Variants in MCMDC2 observed in about 807,000 individuals in gnomAD.
The protein encoded by MCMDC2 is minichromosome maintenance domain-containing protein 2.
In MCMDC2, 54 loss-of-function variants were observed where a neutral mutation model predicts 75.8. The ratio of observed to expected loss-of-function variants is 0.71; its 90% CI spans 0.57 to 0.89. MCMDC2 has a LOEUF of 0.89. MCMDC2 is among the 40% of genes least tolerant of loss of function. The pLI is 0.00. For missense variants in MCMDC2, 656 were observed against 780.4 expected, an observed-to-expected ratio of 0.84 and a Z score of 1.90; for synonymous variants, 249 against 274.6, an observed-to-expected ratio of 0.91 and a Z score of 0.92.
At chr8:66,914,757 C>A (rs1378478453) in intron 14 of MCMDC2, among the ~76,000 whole-genome samples, 4 of 152,060 alleles carry the variant, frequency 2.6e-5, no homozygotes, top group Non-Finnish European at 5.9e-5. Flanking sequence ...TTGTTGTAGT[C>A]CAGTTAGATG....
rs1384200946 is a variant in MCMDC2, at chr8:66,874,426, A to G, written c.195A>G (p.Gln65=). The G allele has an allele frequency of 1.9e-6, 3 of 1,613,684 alleles. No individual in the cohort carries two copies. The highest frequency in any genetic ancestry group is 1.7e-5 in the Admixed American group (1 of 59,978). The change falls in exon 3 of 15, where the codon CAA becomes CAG. Residue 65 remains glutamine, a synonymous_variant. Transcript: ENST00000422365. The part of the protein sequence containing the change: ...DAELGNHILH[Q]PLKAAEVFQS... Reference sequence around the variant, plus strand: ...AGCTTGGAAATCACATTTTACACCAACCTTTAAAAGCTGCTGAAGTCTTTC... The same window carrying G: ...AGCTTGGAAATCACATTTTACACCAGCCTTTAAAAGCTGCTGAAGTCTTTC...
intron 14 of MCMDC2, among the ~76,000 whole-genome samples, chr8:66,915,332 A>G (rs987559216): frequency 4.6e-5 from 7 of 151,786 alleles, no homozygotes; most frequent in Non-Finnish European, 1.0e-4. Context: ...CGCGTCTGTA[A>G]TCCCAACTAC....
chr8:66,925,780 G>A (rs930714440), downstream of MCMDC2, among the ~76,000 whole-genome samples: 2 of 152,198 alleles, frequency 1.3e-5, no homozygotes, highest in African/African-American at 4.8e-5. Flanking sequence ...GGCTTTTCAG[G>A]CTCAGGAGTA....
At chr8:66,905,180 T>A in intron 13 of MCMDC2, 46 bp from the exon 14 acceptor site, 1 of 1,313,452 alleles carries the variant, frequency 7.6e-7, no homozygotes, top group Non-Finnish European at 9.9e-7. Flanking sequence ...ATATATTATT[T>A]TTATAATATC....
chr8:66,896,940 C>T lies in MCMDC2; in HGVS notation c.1607C>T (p.Thr536Ile), dbSNP rs1331907567. 2 of 1,602,578 alleles carry T rather than the reference C, an allele frequency of 1.2e-6. No individual in the cohort carries two copies. The highest frequency in any genetic ancestry group is 1.7e-6 in the Non-Finnish European group (2 of 1,175,412). Residue 536 changes from threonine to isoleucine, a missense_variant, in exon 12 of 15, where the codon ACA (threonine) becomes ATA (isoleucine). By Grantham distance (89) the Thr-to-Ile change is moderately conservative (BLOSUM62 -1). Coordinates refer to ENST00000422365, the MANE Select transcript of MCMDC2 (RefSeq NM_173518.5). ...TTTTATGCGGCTTCTAGACAGTTCA[C>T]AACTGAAGATTTTGAAAAGGTAAAG... is the stretch of plus-strand genomic sequence containing the variant. ...GLFYAASRQFTTEDFEKLLAF... is the reference protein window; with the variant it reads ...GLFYAASRQFITEDFEKLLAF...
chr8:66,900,791 T>C (rs1457589136), intron 12 of MCMDC2, among the ~76,000 whole-genome samples: 1 of 152,182 alleles, frequency 6.6e-6, no homozygotes, highest in Non-Finnish European at 1.5e-5. Context: ...CCAAACGTTG[T>C]GTTCTTTAAA....
chr8:66,915,651 A>C (rs753692551), intron 14 of MCMDC2, among the ~76,000 whole-genome samples: 2 of 151,670 alleles, frequency 1.3e-5, no homozygotes, highest in Non-Finnish European at 2.9e-5. Context: ...GGATATATCA[A>C]TAGAGAGATA....
At chr8:66,922,484 A>G (rs745832760), downstream of MCMDC2, 5 of 518,794 alleles carry the variant, frequency 9.6e-6, no homozygotes, top group South Asian at 7.0e-5. Flanking sequence ...TCTCAGTCTT[A>G]AAATTATTTC....
At chr8:66,883,346 C>T (rs1301416118) in intron 8 of MCMDC2, among the ~76,000 whole-genome samples, 1 of 152,170 alleles carries the variant, frequency 6.6e-6, no homozygotes, top group Non-Finnish European at 1.5e-5. Flanking sequence ...ATCTGGTTTG[C>T]TCACATAGAT....
At chr8:66,922,597 T>TA (rs756802220), downstream of MCMDC2, 1 of 511,328 alleles carries the variant, frequency 2.0e-6, no homozygotes, top group Non-Finnish European at 3.9e-6. Flanking sequence ...TAACTAACAT[T>TA]AATTAAATTT....
At position 66,874,505 on chromosome 8, in the gene MCMDC2, CT is replaced by C; in HGVS notation, c.226-15del. ...TTATGCCACATGGAATTTTTGGTAA[CT>C]TTTTTTGTTTGAAATCACAGGTCTG... On this transcript the variant is annotated intron_variant, in intron 3 of 14. Coordinates refer to ENST00000422365, the MANE Select transcript of MCMDC2 (RefSeq NM_173518.5). 1.2e-6 allele frequency: 2 copies of C among 1,612,450 alleles called. No individual in the cohort carries two copies. Among genetic ancestry groups the C allele is most frequent in the Non-Finnish European group, 1.7e-6 (2 of 1,179,568 alleles).
chr8:66,896,531 C>G (rs976451577), intron 11 of MCMDC2, among the ~76,000 whole-genome samples, 195 bp downstream of exon 11: 1 of 151,814 alleles, frequency 6.6e-6, no homozygotes, highest in African/African-American at 2.4e-5. Flanking sequence ...CTGGAAATTA[C>G]TATTTGAATA....
At chr8:66,922,430 G>A (rs766970233), downstream of MCMDC2, 9 of 501,508 alleles carry the variant, frequency 1.8e-5, no homozygotes, top group Non-Finnish European at 2.8e-5. Context: ...TTAAATTATT[G>A]CCTTACATAC....
chr8:66,912,583 C>A (rs1405390262), intron 14 of MCMDC2, among the ~76,000 whole-genome samples: 1 of 152,166 alleles, frequency 6.6e-6, no homozygotes, highest in East Asian at 1.9e-4. Flanking sequence ...GGCACATATA[C>A]ACCATGGAAT....
At chr8:66,882,624 A>G (rs550601467) in intron 8 of MCMDC2, among the ~76,000 whole-genome samples, 13 of 152,290 alleles carry the variant, frequency 8.5e-5, no homozygotes, top group African/African-American at 2.4e-4. Context: ...TTGGCCTTCC[A>G]AAGTGCTGGA....
chr8:66,873,837 A>G (rs930939960), intron 1 of MCMDC2, among the ~76,000 whole-genome samples: 1 of 151,956 alleles, frequency 6.6e-6, no homozygotes, highest in African/African-American at 2.4e-5. Context: ...CAGTGAGCTG[A>G]GATTGCGCCA....
chr8:66,895,663 T>G (rs1362294722), intron 10 of MCMDC2, among the ~76,000 whole-genome samples: 2 of 152,134 alleles, frequency 1.3e-5, no homozygotes, highest in Non-Finnish European at 2.9e-5. Flanking sequence ...CCTCCCAAAG[T>G]GCTCCATATT....
intron 9 of MCMDC2, among the ~76,000 whole-genome samples, chr8:66,884,857 G>A (rs543190762): frequency 1.3e-4 from 20 of 152,064 alleles, no homozygotes; most frequent in African/African-American, 4.8e-4. Flanking sequence ...GCTCACAACA[G>A]CCTCAACCTC....
At chr8:66,871,827 G>A (rs1811032633) in intron 1 of MCMDC2, among the ~76,000 whole-genome samples, 1 of 151,600 alleles carries the variant, frequency 6.6e-6, no homozygotes, top group African/African-American at 2.4e-5. Context: ...TTGAGCCCGG[G>A]AGGTAGAGGC....
Sources: allele counts gnomAD v4.1 joint callset (sites outside exome capture counted in the v4.1 genomes callset), GRCh38; gene constraint gnomAD v4.1.1; transcripts MANE v1.5; gene names NCBI Gene and HGNC (gene_info 2026-07-23, HGNC 2026-07-21).